Variants in NKAIN2 observed in about 807,000 individuals in gnomAD.
The protein encoded by NKAIN2 is sodium/potassium transporting ATPase interacting 2.
In NKAIN2, 14 loss-of-function variants were observed where a neutral mutation model predicts 32.6. The observed-to-expected ratio is 0.43, with a 90% CI of 0.28 to 0.67. The LOEUF (loss-of-function observed/expected upper bound fraction) is 0.67, where lower values mean the gene tolerates loss of function less well. Among genes scored for constraint, NKAIN2 ranks in the 30% least tolerant of loss-of-function variants. The pLI, the probability that NKAIN2 is intolerant of heterozygous loss-of-function variation, is 0.17. For missense variants in NKAIN2, 198 were observed against 258.3 expected, an observed-to-expected ratio of 0.77 and a Z score of 1.60; for synonymous variants, 80 against 87.2, an observed-to-expected ratio of 0.92 and a Z score of 0.46.
chr6:124,821,314 A>G (rs1316867074), intron 6 of NKAIN2, among the ~76,000 whole-genome samples: 2 of 151,778 alleles, frequency 1.3e-5, no homozygotes, highest in African/African-American at 4.8e-5. Flanking sequence ...AAAAAAGGAG[A>G]ATAAAATATC....
intron 2 of NKAIN2, among the ~76,000 whole-genome samples, chr6:124,310,264 A>G: frequency 6.6e-6 from 1 of 151,852 alleles, no homozygotes; most frequent in East Asian, 1.9e-4. Context: ...TTTTTTTTGT[A>G]ATTTTATTTT....
intron 3 of NKAIN2, among the ~76,000 whole-genome samples, chr6:124,601,271 GA>G (rs1782297020): frequency 6.6e-6 from 1 of 152,116 alleles, no homozygotes; most frequent in Non-Finnish European, 1.5e-5. Flanking sequence ...CCATGCTTTG[GA>G]AAGAATGCCC....
At chr6:124,527,484 C>A (rs546616937) in intron 3 of NKAIN2, among the ~76,000 whole-genome samples, 1 of 152,224 alleles carries the variant, frequency 6.6e-6, no homozygotes, top group East Asian at 1.9e-4. Context: ...TTGTTCTTGA[C>A]TTTAGTCTCA....
chr6:124,508,175 T>C (rs1778562855), intron 3 of NKAIN2, among the ~76,000 whole-genome samples: 1 of 151,732 alleles, frequency 6.6e-6, no homozygotes, highest in African/African-American at 2.4e-5. Context: ...GAAGATCACT[T>C]GAGCTTGGGA....
At chr6:123,813,735 C>G (rs142340019) in intron 1 of NKAIN2, among the ~76,000 whole-genome samples, 3,274 of 152,170 alleles carry the variant, frequency 0.022, 103 homozygotes, top group African/African-American at 0.075. Flanking sequence ...TTGCTTGAAC[C>G]TGGGAGGCAG....
At chr6:124,090,242 A>G (rs1784357466) in intron 1 of NKAIN2, among the ~76,000 whole-genome samples, 1 of 152,060 alleles carries the variant, frequency 6.6e-6, no homozygotes, top group Admixed American at 6.6e-5. Flanking sequence ...TCTTCTGTAC[A>G]TAACCTATTT....
chr6:124,076,550 C>T (rs1236773060), intron 1 of NKAIN2, among the ~76,000 whole-genome samples: 1 of 152,192 alleles, frequency 6.6e-6, no homozygotes, highest in Non-Finnish European at 1.5e-5. Context: ...GCCTGTCTTG[C>T]TCTCTGCTTT....
At chr6:124,709,551 T>C (rs1370049045) in intron 4 of NKAIN2, among the ~76,000 whole-genome samples, 1 of 150,586 alleles carries the variant, frequency 6.6e-6, no homozygotes, top group Non-Finnish European at 1.5e-5. Context: ...TTCAACTTCT[T>C]CCTGGTTTAG....
intron 3 of NKAIN2, among the ~76,000 whole-genome samples, chr6:124,409,439 C>A (rs1379496289): frequency 2.0e-5 from 3 of 152,092 alleles, no homozygotes; most frequent in Admixed American, 6.6e-5. Context: ...TTTTCTGCAT[C>A]TATTGAGATA....
chr6:123,895,750 A>G (rs982623113), intron 1 of NKAIN2, among the ~76,000 whole-genome samples: 1 of 152,248 alleles, frequency 6.6e-6, no homozygotes, highest in Non-Finnish European at 1.5e-5. Flanking sequence ...ATGGTGTGGT[A>G]CAACACAGAT....
chr6:124,345,147 G>A (rs570978441), intron 2 of NKAIN2, among the ~76,000 whole-genome samples: 239 of 152,108 alleles, frequency 1.6e-3, no homozygotes, highest in Non-Finnish European at 1.7e-3. Flanking sequence ...ATTGATTTGC[G>A]TGTATTGAAC....
At chr6:124,178,134 A>C (rs1582797897) in intron 1 of NKAIN2, among the ~76,000 whole-genome samples, 1 of 152,194 alleles carries the variant, frequency 6.6e-6, no homozygotes, top group South Asian at 2.1e-4. Flanking sequence ...GGTGCCATGT[A>C]AGAAACAGGA....
intron 4 of NKAIN2, among the ~76,000 whole-genome samples, chr6:124,785,322 T>A (rs1006417091): frequency 1.3e-5 from 2 of 152,174 alleles, no homozygotes; most frequent in Non-Finnish European, 2.9e-5. Context: ...TAATTGCTTA[T>A]TGGAGCATTT....
At chr6:124,014,437 G>GT (rs1247806065) in intron 1 of NKAIN2, among the ~76,000 whole-genome samples, 1 of 151,580 alleles carries the variant, frequency 6.6e-6, no homozygotes, top group African/African-American at 2.4e-5. Flanking sequence ...ACAAGTTGTT[G>GT]TTTTTTTCAT....
intron 3 of NKAIN2, among the ~76,000 whole-genome samples, chr6:124,614,413 C>A (rs898061735): frequency 3.3e-5 from 5 of 152,070 alleles, no homozygotes; most frequent in African/African-American, 1.2e-4. Context: ...TAATCATCCA[C>A]CCATATCCTT....
chr6:124,269,445 CTTTCTTTCTTTTTTTTTTCTT>C (rs1423237229), intron 1 of NKAIN2, among the ~76,000 whole-genome samples: 27 of 150,110 alleles, frequency 1.8e-4, no homozygotes, highest in African/African-American at 6.4e-4. Context: ...TTCTTTCTTT[CTTTCTTTCTTTTTTTTTTCTT>C]TTTCTTTTTT....
At chr6:124,154,883 A>C (rs1010011691) in intron 1 of NKAIN2, among the ~76,000 whole-genome samples, 28 of 152,114 alleles carry the variant, frequency 1.8e-4, no homozygotes, top group African/African-American at 6.5e-4. Context: ...ATTTATGACA[A>C]GGTGGTAGAC....
Position 124,823,953 on chromosome 6 carries a change from A to G in NKAIN2, c.*724A>G, listed in dbSNP as rs1162171553. On this transcript the variant is annotated 3_prime_UTR_variant, in exon 7 of 7. Transcript: ENST00000368417. ...AGCAGCTCCAGTGTGTCTGTATAAGAAAAGTGCCAGCTGTCAGCAAAGTGC... is the reference window on the plus strand; with the variant it reads ...AGCAGCTCCAGTGTGTCTGTATAAGGAAAGTGCCAGCTGTCAGCAAAGTGC... The G allele has an allele frequency of 2.0e-5, 3 of 152,204 alleles. No individual in the cohort carries two copies. The highest frequency in any genetic ancestry group is 1.9e-4 in the East Asian group (1 of 5,188). The allele number at this position is 152,204 out of a possible 1,614,324, so 9.4% of individuals were successfully genotyped here.
At chr6:124,547,426 C>T (rs772456682) in intron 3 of NKAIN2, among the ~76,000 whole-genome samples, 1 of 152,148 alleles carries the variant, frequency 6.6e-6, no homozygotes, top group Non-Finnish European at 1.5e-5. Flanking sequence ...TTATGTTTTA[C>T]TGTAACATTT....
Sources: allele counts gnomAD v4.1 joint callset (sites outside exome capture counted in the v4.1 genomes callset), GRCh38; gene constraint gnomAD v4.1.1; transcripts MANE v1.5; gene names NCBI Gene and HGNC (gene_info 2026-07-23, HGNC 2026-07-21).